Variants in TLE1 observed in about 807,000 individuals in gnomAD.
The protein encoded by TLE1 is TLE family member 1, transcriptional corepressor, also known as transducin-like enhancer protein 1.
Under a neutral mutation model 89.8 loss-of-function variants are expected in TLE1, and 21 were observed. The observed-to-expected ratio is 0.23, with a 90% confidence interval of 0.17 to 0.34. The LOEUF is 0.34. Among genes scored for constraint, TLE1 ranks in the 10% least tolerant of loss-of-function variants. The probability of loss-of-function intolerance (pLI) is 1.00; values close to 1 mark genes in which losing one functional copy is unlikely to be tolerated. For synonymous variants in TLE1, 447 were observed against 407.6 expected (o/e 1.10, Z -1.16); for missense variants, 795 against 1,031.2 (o/e 0.77, Z 3.14).
At chr9:81,619,105 G>A (rs1824917652) in intron 9 of TLE1, among the ~76,000 whole-genome samples, 1 of 152,144 alleles carries the variant, frequency 6.6e-6, no homozygotes, top group Admixed American at 6.6e-5. Flanking sequence ...TTCTACATCA[G>A]CAAATCTCTG....
At chr9:81,652,134 C>CACACAT in intron 6 of TLE1, 80 bp downstream of exon 6, 4 of 1,392,262 alleles carry the variant, frequency 2.9e-6, no homozygotes, top group Non-Finnish European at 4.1e-6. Context: ...CACACACACA[C>CACACAT]ACACGTAAAG....
rs141015984 is a variant in TLE1 at position 81,655,237 on chromosome 9, G to A, written c.235-1201C>T. The stretch of plus-strand genomic sequence containing the variant: ...AAATTAGCCGGGCGTGATGGTGGGC[G>A]CCTGTAATACCAGCTACTCGGGAGG... On this transcript the variant is annotated intron_variant, in intron 4 of 19. Coordinates refer to ENST00000376499, the MANE Select transcript of TLE1 (RefSeq NM_005077.5). Among the ~76,000 whole-genome samples the A allele has an allele frequency of 2.6e-3, 393 of 152,164 alleles. 3 individuals carry two copies. Among genetic ancestry groups the A allele is most frequent in the African/African-American group, 8.8e-3 (367 of 41,518 alleles).
At chr9:81,646,516 C>T (rs983813324) in intron 6 of TLE1, among the ~76,000 whole-genome samples, 1 of 152,194 alleles carries the variant, frequency 6.6e-6, no homozygotes, top group Non-Finnish European at 1.5e-5. Flanking sequence ...AAGAAACTTA[C>T]AGCTGGGTTA....
intron 4 of TLE1, among the ~76,000 whole-genome samples, chr9:81,661,276 A>G (rs889264913): frequency 6.6e-6 from 1 of 151,124 alleles, no homozygotes; most frequent in African/African-American, 2.4e-5. Flanking sequence ...TTAGGGTTCT[A>G]TAATTCCTAA....
At chr9:81,686,299 A>C (rs1834272309) in intron 2 of TLE1, among the ~76,000 whole-genome samples, 1 of 152,218 alleles carries the variant, frequency 6.6e-6, no homozygotes, top group African/African-American at 2.4e-5. Flanking sequence ...AACGGTCTCT[A>C]GGTTTGAAAA....
intron 8 of TLE1, among the ~76,000 whole-genome samples, chr9:81,627,610 T>C (rs1338303087): frequency 6.6e-6 from 1 of 152,212 alleles, no homozygotes; most frequent in Non-Finnish European, 1.5e-5. Context: ...AGGAGTCTGC[T>C]TAAGAAAACC....
chr9:81,600,579 G>A (rs2131930353), intron 14 of TLE1, among the ~76,000 whole-genome samples: 1 of 149,364 alleles, frequency 6.7e-6, no homozygotes, highest in South Asian at 2.1e-4. Context: ...TACCCACATG[G>A]CAATAATAAG....
At chr9:81,609,842 C>T (rs1223216063) in intron 14 of TLE1, among the ~76,000 whole-genome samples, 1 of 152,224 alleles carries the variant, frequency 6.6e-6, no homozygotes, top group African/African-American at 2.4e-5. Context: ...GAGTTCGTGA[C>T]AGCTGACTGC....
At chr9:81,668,864 C>T (rs1831843784) in intron 4 of TLE1, among the ~76,000 whole-genome samples, 1 of 152,114 alleles carries the variant, frequency 6.6e-6, no homozygotes, top group Admixed American at 6.5e-5. Flanking sequence ...AACCAGGGGC[C>T]ACCAGAAGTT....
At position 81,675,708 on chromosome 9, in the gene TLE1, G is replaced by GTTTT. The variant is rs61458315; in HGVS notation, c.234+9964_234+9967dup. 3.0e-5 allele frequency among the ~76,000 whole-genome samples: 4 copies of GTTTT among 132,440 alleles called. 1 individual carries two copies. The highest frequency in any genetic ancestry group is 9.1e-5 in the African/African-American group (3 of 33,138). The allele number at this position is 132,440 out of a possible 152,430, so 86.9% of individuals were successfully genotyped here. ...TAAGGACTCACACTAGTTTTTTTTTGTTTTTTTTTTTGAGACGGAGTCTCG... is the reference window on the plus strand; with the variant it reads ...TAAGGACTCACACTAGTTTTTTTTTGTTTTTTTTTTTTTTTGAGACGGAGTCTCG... On this transcript the variant is annotated intron_variant, in intron 4 of 19. Coordinates refer to ENST00000376499, the MANE Select transcript of TLE1 (RefSeq NM_005077.5).
At chr9:81,672,522 C>T (rs1832358891) in intron 4 of TLE1, among the ~76,000 whole-genome samples, 1 of 150,890 alleles carries the variant, frequency 6.6e-6, no homozygotes, top group Admixed American at 6.6e-5. Context: ...TGAACCTTGA[C>T]TGTCAACAAA....
chr9:81,633,761 C>A (rs975031493), intron 7 of TLE1: 1 of 474,670 alleles, frequency 2.1e-6, no homozygotes, highest in East Asian at 3.1e-5. Context: ...CTTCTTATTT[C>A]GCCCCATTTA....
At chr9:81,676,490 C>T (rs371087909) in intron 4 of TLE1, among the ~76,000 whole-genome samples, 65 of 152,224 alleles carry the variant, frequency 4.3e-4, no homozygotes, top group African/African-American at 1.5e-3. Flanking sequence ...ATACAAAAGC[C>T]TGGACTTTTT....
intron 4 of TLE1, among the ~76,000 whole-genome samples, chr9:81,664,754 G>A (rs1206802982): frequency 6.6e-6 from 1 of 152,038 alleles, no homozygotes; most frequent in Non-Finnish European, 1.5e-5. Context: ...CCTTATAATG[G>A]TTAGTGAGGT....
intron 14 of TLE1, among the ~76,000 whole-genome samples, chr9:81,595,540 T>C (rs554942161): frequency 3.3e-5 from 5 of 152,232 alleles, no homozygotes; most frequent in East Asian, 1.9e-4. Context: ...CAATTGAGGC[T>C]GGGCGCGGTG....
rs544320149 is a variant in TLE1, at chr9:81,647,846, G to A, written c.372+4368C>T. Reference sequence around the variant, plus strand: ...AACACAATGTAAATATTCCTATGTGGATTACCAAAAACACCATGAAATGGA... The same window carrying A: ...AACACAATGTAAATATTCCTATGTGAATTACCAAAAACACCATGAAATGGA... On this transcript the variant is annotated intron_variant, in intron 6 of 19. Transcript: ENST00000376499. 3.7e-4 allele frequency among the ~76,000 whole-genome samples: 57 copies of A among 152,188 alleles called. No homozygotes were observed. The South Asian group carries it at 0.012, about 32-fold the overall frequency.
chr9:81,620,965 A>T, intron 8 of TLE1: 1 of 495,850 alleles, frequency 2.0e-6, no homozygotes, highest in Admixed American at 2.2e-5. Flanking sequence ...TGTAAGAGTC[A>T]ATGTGTACCA....
chr9:81,643,304 T>C (rs1302903299), intron 6 of TLE1, among the ~76,000 whole-genome samples: 1 of 151,880 alleles, frequency 6.6e-6, no homozygotes, highest in African/African-American at 2.4e-5. Flanking sequence ...TGGTGCGATC[T>C]CGGCTCACGG....
chr9:81,619,989 T>C (rs1825023309), intron 9 of TLE1, among the ~76,000 whole-genome samples: 1 of 152,214 alleles, frequency 6.6e-6, no homozygotes, highest in Admixed American at 6.5e-5. Context: ...TCCACAAAGC[T>C]TTTGTGACAC....
Sources: gnomAD v4.1 joint callset for allele counts (sites outside exome capture counted in the v4.1 genomes callset) on GRCh38, gnomAD v4.1.1 for gene constraint, MANE v1.5 for transcripts, NCBI Gene and HGNC (gene_info 2026-07-23, HGNC 2026-07-21) for gene names.